Variants in VOPP1 observed in about 807,000 individuals in gnomAD.
VOPP1 encodes WW domain binding protein VOPP1.
In VOPP1, 8 loss-of-function variants were observed where a neutral mutation model predicts 23.5. The observed-to-expected ratio is 0.34, with a 90% confidence interval of 0.20 to 0.61. VOPP1 has a LOEUF of 0.61. VOPP1 is among the 20% of genes least tolerant of loss of function. The pLI is 0.78. For missense variants in VOPP1, 174 were observed against 238.1 expected (o/e 0.73, Z 1.77); for synonymous variants, 83 against 97.3 (o/e 0.85, Z 0.86).
chr7:55,462,972 C>T (rs961563691), intron 4 of VOPP1, among the ~76,000 whole-genome samples: 1 of 152,050 alleles, frequency 6.6e-6, no homozygotes, highest in African/African-American at 2.4e-5. Context: ...CTGTTTGGTT[C>T]TTTCTTTATG....
chr7:55,527,139 T>C (rs1796237942), intron 1 of VOPP1: 1 of 152,188 alleles, frequency 6.6e-6, no homozygotes, highest in Non-Finnish European at 1.5e-5. Context: ...CAAGCAATTA[T>C]CTCAAGGTCT....
intron 1 of VOPP1, among the ~76,000 whole-genome samples, chr7:55,537,124 T>C (rs763694866): frequency 2.6e-5 from 4 of 152,200 alleles, no homozygotes; most frequent in Non-Finnish European, 5.9e-5. Flanking sequence ...TCTAATTCCC[T>C]GACCCTGGAC....
At chr7:55,448,801 G>A (rs1791167163) in intron 4 of VOPP1, among the ~76,000 whole-genome samples, 1 of 152,242 alleles carries the variant, frequency 6.6e-6, no homozygotes, top group Admixed American at 6.5e-5. Flanking sequence ...AGGGGGAGGC[G>A]GCGCCCCTGG....
chr7:55,469,822 A>G (rs1791730071), downstream of VOPP1, among the ~76,000 whole-genome samples: 1 of 152,224 alleles, frequency 6.6e-6, no homozygotes, highest in East Asian at 1.9e-4. Flanking sequence ...AGGGATGGAC[A>G]CAGTTGTGAT....
intron 1 of VOPP1, among the ~76,000 whole-genome samples, chr7:55,547,462 C>T (rs909300190): frequency 2.7e-5 from 4 of 148,878 alleles, no homozygotes; most frequent in African/African-American, 9.7e-5. Flanking sequence ...AAACGTAAGC[C>T]TCTGCATACC....
intron 4 of VOPP1, among the ~76,000 whole-genome samples, chr7:55,480,085 A>C (rs775709745): frequency 6.6e-6 from 1 of 152,222 alleles, no homozygotes; most frequent in African/African-American, 2.4e-5. Context: ...ATGATTCGAT[A>C]TAATTTTATT....
At chr7:55,515,158 C>T (rs945585201) in intron 2 of VOPP1, among the ~76,000 whole-genome samples, 1 of 152,184 alleles carries the variant, frequency 6.6e-6, no homozygotes. Flanking sequence ...GCTGGGTGGC[C>T]TCTGGGGGGC....
chr7:55,537,997 C>T (rs1383930992), intron 1 of VOPP1, among the ~76,000 whole-genome samples: 1 of 152,176 alleles, frequency 6.6e-6, no homozygotes, highest in East Asian at 1.9e-4. Flanking sequence ...CCCCAGGAGC[C>T]CCCATTCAGC....
rs1791866824 is a variant in VOPP1, at chr7:55,472,119, C to G, written c.*736G>C. 6.6e-6 allele frequency: 1 copy of G among 151,854 alleles called. No homozygotes were observed. Among genetic ancestry groups the G allele is most frequent in the Non-Finnish European group, 1.5e-5 (1 of 68,002 alleles). 9.4% of individuals were successfully genotyped at this position (151,854 alleles called of 1,614,324 possible). ...AATCAGACCAAGAGCTCACAAAATG[C>G]AATGTCTCAGTTTGGGGCAGGAAGT... On this transcript the variant is annotated 3_prime_UTR_variant, in exon 5 of 5. Coordinates refer to ENST00000285279, the MANE Select transcript of VOPP1 (RefSeq NM_030796.5).
intron 1 of VOPP1, among the ~76,000 whole-genome samples, chr7:55,535,280 A>T (rs1166904635): frequency 6.6e-6 from 1 of 152,116 alleles, no homozygotes; most frequent in East Asian, 1.9e-4. Context: ...TGAGGTCATA[A>T]TTTTCTTTCT....
At chr7:55,501,198 A>G (rs1794339998) in intron 2 of VOPP1, among the ~76,000 whole-genome samples, 1 of 152,248 alleles carries the variant, frequency 6.6e-6, no homozygotes, top group South Asian at 2.1e-4. Flanking sequence ...GCAATGCGCT[A>G]CAATTAGCAG....
downstream of VOPP1, among the ~76,000 whole-genome samples, chr7:55,435,592 C>T (rs1235274240): frequency 6.6e-6 from 1 of 152,166 alleles, no homozygotes. Context: ...CCGAGTGAGC[C>T]GGCCAGTGCG....
At chr7:55,464,762 A>G (rs1198559356) in intron 4 of VOPP1, among the ~76,000 whole-genome samples, 1 of 152,154 alleles carries the variant, frequency 6.6e-6, no homozygotes, top group African/African-American at 2.4e-5. Context: ...GGAAGGATGT[A>G]GTCTGGTGGA....
chr7:55,504,885 G>A (rs1457107923), intron 2 of VOPP1, among the ~76,000 whole-genome samples: 3 of 152,214 alleles, frequency 2.0e-5, no homozygotes, highest in East Asian at 3.8e-4. Flanking sequence ...TTTAACAACT[G>A]TGACACAGCC....
intron 1 of VOPP1, among the ~76,000 whole-genome samples, chr7:55,541,181 G>A (rs1255938190): frequency 1.3e-5 from 2 of 152,114 alleles, no homozygotes; most frequent in Non-Finnish European, 1.5e-5. Context: ...CTTGATTGTG[G>A]CAATACTTGC....
chr7:55,568,081 C>CTTTTTTCCT (rs1173286349), intron 1 of VOPP1, among the ~76,000 whole-genome samples: 3 of 124,024 alleles, frequency 2.4e-5, no homozygotes, highest in African/African-American at 9.2e-5. Context: ...ACAACTATTC[C>CTTTTTTCCT]TTTTTTTTTT....
chr7:55,558,374 A>G (rs1351504863), intron 1 of VOPP1, among the ~76,000 whole-genome samples: 1 of 152,236 alleles, frequency 6.6e-6, no homozygotes, highest in Non-Finnish European at 1.5e-5. Flanking sequence ...AATTAAATAC[A>G]AAAGAATGAA....
At chr7:55,544,495 C>G (rs528902568) in intron 1 of VOPP1, among the ~76,000 whole-genome samples, 1 of 152,100 alleles carries the variant, frequency 6.6e-6, no homozygotes, top group Non-Finnish European at 1.5e-5. Context: ...AAAAAACTTG[C>G]GAGAAAAGAT....
In VOPP1 at chr7:55,540,742, C is replaced by G. The variant is rs554408708; in HGVS notation, c.55-19612G>C. Among the ~76,000 whole-genome samples the G allele has an allele frequency of 2.0e-5, 3 of 152,350 alleles. No homozygotes were observed. In the South Asian group the frequency reaches 6.2e-4, roughly 32 times the overall value. ...CCTAAGTGTCAGGTCTTCACCTCCG[C>G]TGCGGCCTCAACGCAGGGAATTTAC... On this transcript the variant is annotated intron_variant, in intron 1 of 4. Transcript: ENST00000285279.
Sources: gnomAD v4.1 joint callset for allele counts (sites outside exome capture counted in the v4.1 genomes callset) on GRCh38, gnomAD v4.1.1 for gene constraint, MANE v1.5 for transcripts, NCBI Gene and HGNC (gene_info 2026-07-23, HGNC 2026-07-21) for gene names.